SPPL3: variants seen among roughly 807,000 people sequenced by gnomAD.
SPPL3 encodes the protein signal peptide peptidase-like 3.
In SPPL3, 5 loss-of-function variants were observed where a neutral mutation model predicts 42.4. The ratio of observed to expected loss-of-function variants is 0.12; its 90% CI spans 0.06 to 0.25. The LOEUF is 0.25. Among genes scored for constraint, SPPL3 ranks in the 10% least tolerant of loss-of-function variants. The probability of loss-of-function intolerance (pLI) is 1.00; values close to 1 mark genes in which losing one functional copy is unlikely to be tolerated. For synonymous variants in SPPL3, 195 were observed against 181.8 expected (o/e 1.07, Z -0.58); for missense variants, 235 against 489.0 (o/e 0.48, Z 4.90).
chr12:120,777,388 G>C (rs2136973580), intron 6 of SPPL3, among the ~76,000 whole-genome samples: 1 of 152,252 alleles, frequency 6.6e-6, no homozygotes, highest in African/African-American at 2.4e-5. Flanking sequence ...AAAAGATTAG[G>C]TTTTACTAAA....
In SPPL3 at chr12:120,860,916, C is replaced by A. The variant is rs1179818458; in HGVS notation, c.23+42929G>T. Among the ~76,000 whole-genome samples the A allele has an allele frequency of 2.6e-5, 4 of 152,288 alleles. No individual in the cohort carries two copies. The East Asian group carries it at 5.8e-4, about 22-fold the overall frequency. The stretch of plus-strand genomic sequence containing the variant: ...TACTAAAATCCTTGGATGCTCCAGT[C>A]CCTTATAAAACAGTGTAGTATTTAC... On this transcript the variant is annotated intron_variant, in intron 1 of 10. Coordinates refer to ENST00000353487, the MANE Select transcript of SPPL3 (RefSeq NM_139015.5).
intron 2 of SPPL3, among the ~76,000 whole-genome samples, chr12:120,795,273 T>C (rs186118114): frequency 3.9e-5 from 6 of 152,298 alleles, no homozygotes; most frequent in Non-Finnish European, 1.5e-5. Context: ...TACACAACTG[T>C]AAATAGAAAA....
Position 120,768,565 on chromosome 12 carries a change from A to G in SPPL3, c.610-77T>C, listed in dbSNP as rs528263565. 1,036 of 1,467,208 alleles carry G rather than the reference A, an allele frequency of 7.1e-4. 10 individuals are homozygous for G. The highest frequency in any genetic ancestry group is 1.5e-4 in the Non-Finnish European group (159 of 1,074,550). 90.9% of individuals were successfully genotyped at this position (1,467,208 alleles called of 1,614,324 possible). A position where few individuals can be genotyped will look rare whatever the true frequency, so the allele number is the denominator to read the frequency against. ...TTCAGCATCAGCCCTCCTTGCTCTTAAGAGCAGAGTCTCAGAATGCTGTGA... is the reference window on the plus strand; with the variant it reads ...TTCAGCATCAGCCCTCCTTGCTCTTGAGAGCAGAGTCTCAGAATGCTGTGA... On this transcript the variant is annotated intron_variant, in intron 7 of 10. Coordinates refer to ENST00000353487, the MANE Select transcript of SPPL3 (RefSeq NM_139015.5).
At chr12:120,784,365 AG>A (rs1869643062) in intron 4 of SPPL3, 108 bp downstream of exon 4, 10 of 1,203,226 alleles carry the variant, frequency 8.3e-6, no homozygotes, top group Non-Finnish European at 1.1e-5. Flanking sequence ...AAGATTTATA[AG>A]GAAAAACTTA....
At chr12:120,837,412 T>C (rs1047123016) in intron 1 of SPPL3, among the ~76,000 whole-genome samples, 4 of 152,334 alleles carry the variant, frequency 2.6e-5, no homozygotes, top group Middle Eastern at 3.4e-3. Context: ...TTTTTATTGG[T>C]GGCACAAAAA....
chr12:120,855,171 G>A (rs1308788590), intron 1 of SPPL3, among the ~76,000 whole-genome samples: 1 of 152,144 alleles, frequency 6.6e-6, no homozygotes. Flanking sequence ...GGGACTATCA[G>A]TGATTAATCC....
chr12:120,776,884 T>C (rs1592956647), intron 6 of SPPL3, among the ~76,000 whole-genome samples: 2 of 152,190 alleles, frequency 1.3e-5, no homozygotes, highest in Admixed American at 1.3e-4. Flanking sequence ...AGTTAAAATA[T>C]CATTTGTCAT....
Position 120,766,274 on chromosome 12 carries a change from C to T in SPPL3, c.1072G>A (p.Ala358Thr). The change falls in exon 10 of 11, where the codon GCC (alanine) becomes ACC (threonine). Residue 358 changes from alanine to threonine, a missense_variant. Ala to Thr is a moderately conservative substitution (Grantham distance 58, BLOSUM62 0). Coordinates refer to ENST00000353487, the MANE Select transcript of SPPL3 (RefSeq NM_139015.5). ...PFTLLPLLTM[A>T]YLKGDLRRMW... ...ACTGCTGCTCTCACCTTTAAATAGG[C>T]CATCGTGAGGAGTGGCAATAAAGTA... is the stretch of plus-strand genomic sequence containing the variant. 6.3e-7 allele frequency: 1 copy of T among 1,583,398 alleles called. No homozygotes were observed. Among genetic ancestry groups the T allele is most frequent in the Non-Finnish European group, 8.6e-7 (1 of 1,164,636 alleles).
intron 2 of SPPL3, among the ~76,000 whole-genome samples, chr12:120,797,956 AC>A (rs993034370): frequency 1.3e-5 from 2 of 152,152 alleles, no homozygotes; most frequent in African/African-American, 4.8e-5. Flanking sequence ...TGTTACTGGT[AC>A]CAAGGAAGCC....
At chr12:120,807,083 A>G (rs1463899625) in intron 2 of SPPL3, among the ~76,000 whole-genome samples, 1 of 152,190 alleles carries the variant, frequency 6.6e-6, no homozygotes, top group Non-Finnish European at 1.5e-5. Context: ...GTTGCAAATC[A>G]TATGACTGAG....
At chr12:120,866,284 T>TA (rs1184637358) in intron 1 of SPPL3, among the ~76,000 whole-genome samples, 1 of 152,098 alleles carries the variant, frequency 6.6e-6, no homozygotes, top group East Asian at 1.9e-4. Flanking sequence ...GCCTGTGACC[T>TA]AAGGTACCTC....
rs113908128 is a variant in SPPL3, at chr12:120,780,782, G to A, written c.502+1873C>T. Among the ~76,000 whole-genome samples, 383 of 151,588 alleles carry A rather than the reference G, an allele frequency of 2.5e-3. 2 individuals carry two copies. Among genetic ancestry groups the A allele is most frequent in the African/African-American group, 8.8e-3 (364 of 41,324 alleles). The stretch of plus-strand genomic sequence containing the variant: ...ACAAAAATTAGCTGGGCATGGTGGC[G>A]TGTGCCCACAATCCCAGCTACTTGG... On this transcript the variant is annotated intron_variant, in intron 6 of 10. Coordinates refer to ENST00000353487, the MANE Select transcript of SPPL3 (RefSeq NM_139015.5).
chr12:120,903,784 C>CGGGAAG, intron 1 of SPPL3, 61 bp downstream of exon 1: 1 of 1,272,202 alleles, frequency 7.9e-7, no homozygotes, highest in Non-Finnish European at 1.0e-6. Flanking sequence ...CTCGGCGGGC[C>CGGGAAG]GCGCCGGCGC....
intron 1 of SPPL3, among the ~76,000 whole-genome samples, chr12:120,871,130 C>CAAAAAAA (rs71453512): frequency 0.25 from 12,828 of 51,294 alleles, 2,864 homozygotes; most frequent in South Asian, 0.43. Context: ...ACTCCGTCTC[C>CAAAAAAA]AAAAAAAAAA....
intron 1 of SPPL3, among the ~76,000 whole-genome samples, chr12:120,828,950 T>C (rs1344085128): frequency 6.6e-6 from 1 of 152,032 alleles, no homozygotes; most frequent in Admixed American, 6.6e-5. Context: ...CTTGTAGAGA[T>C]GGGGGTCTCT....
chr12:120,839,834 C>T (rs1445368896), intron 1 of SPPL3, among the ~76,000 whole-genome samples: 1 of 151,918 alleles, frequency 6.6e-6, no homozygotes, highest in Non-Finnish European at 1.5e-5. Flanking sequence ...GAATTGAAAA[C>T]ACATGTACAC....
chr12:120,832,186 T>C (rs1289363822), intron 1 of SPPL3, among the ~76,000 whole-genome samples: 2 of 152,226 alleles, frequency 1.3e-5, no homozygotes, highest in Admixed American at 6.5e-5. Flanking sequence ...AACATTTTCA[T>C]TATTATTACT....
chr12:120,830,700 T>TA (rs1347189640), intron 1 of SPPL3, among the ~76,000 whole-genome samples: 6 of 151,366 alleles, frequency 4.0e-5, no homozygotes, highest in African/African-American at 1.5e-4. Flanking sequence ...TCCCATTACT[T>TA]ATCTCATAGT....
chr12:120,767,453 A>G lies in SPPL3; in HGVS notation c.914T>C (p.Ile305Thr). 1 of 1,614,080 alleles carries G rather than the reference A, an allele frequency of 6.2e-7. No homozygotes were observed. The highest frequency in any genetic ancestry group is 8.5e-7 in the Non-Finnish European group (1 of 1,180,028). Reference sequence around the variant, plus strand: ...GGAGACCTTCTGCATGCGCCCGGAGATGTTGGCAGGTCCAGGGGCCCCACA... The same window carrying G: ...GGAGACCTTCTGCATGCGCCCGGAGGTGTTGGCAGGTCCAGGGGCCCCACA... ...DSCGAPGPAN[I>T]SGRMQKVSYF... Residue 305 changes from isoleucine (I) to threonine (T), a missense_variant, in exon 9 of 11, where the codon ATC becomes ACC. Physicochemically the swap from Ile to Thr is moderately conservative, Grantham distance 89. Coordinates refer to ENST00000353487, the MANE Select transcript of SPPL3 (RefSeq NM_139015.5).
Sources: gnomAD v4.1 joint callset for allele counts (sites outside exome capture counted in the v4.1 genomes callset) on GRCh38, gnomAD v4.1.1 for gene constraint, MANE v1.5 for transcripts, NCBI Gene and HGNC (gene_info 2026-07-23, HGNC 2026-07-21) for gene names.